SERINC5: variants seen among roughly 807,000 people sequenced by gnomAD.
SERINC5 encodes serine incorporator 5.
In SERINC5, 41 loss-of-function variants were observed where a neutral mutation model predicts 63.1. The ratio of observed to expected loss-of-function variants is 0.65; its 90% CI spans 0.51 to 0.84. SERINC5 has a LOEUF of 0.84. Among genes scored for constraint, SERINC5 ranks in the 40% least tolerant of loss-of-function variants. The probability of loss-of-function intolerance (pLI) is 0.00; values close to 1 mark genes in which losing one functional copy is unlikely to be tolerated. For synonymous variants in SERINC5, 222 were observed against 215.2 expected (o/e 1.03, Z -0.28); for missense variants, 523 against 573.0 (o/e 0.91, Z 0.89).
At chr5:80,187,165 CAAAAAAA>C (rs759541904) in intron 2 of SERINC5, among the ~76,000 whole-genome samples, 3 of 150,086 alleles carry the variant, frequency 2.0e-5, no homozygotes, top group Non-Finnish European at 4.4e-5. Flanking sequence ...AACTCCATCT[CAAAAAAA>C]AGAAAAAAGA....
chr5:80,232,433 C>A (rs1371899483), intron 1 of SERINC5, among the ~76,000 whole-genome samples: 3 of 149,660 alleles, frequency 2.0e-5, no homozygotes, highest in South Asian at 2.1e-4. Flanking sequence ...GTGGAAACAA[C>A]CCAAATGATC....
At chr5:80,238,414 C>T (rs961375442) in intron 1 of SERINC5, among the ~76,000 whole-genome samples, 3 of 152,150 alleles carry the variant, frequency 2.0e-5, no homozygotes, top group African/African-American at 7.2e-5. Flanking sequence ...ATAACTTAAA[C>T]AACTGCTTGA....
rs1745512186 is a variant in SERINC5 at position 80,141,608 on chromosome 5, A to G, written c.*2055T>C. 1.0e-6 allele frequency: 1 copy of G among 985,538 alleles called. No individual in the cohort carries two copies. The highest frequency in any genetic ancestry group is 1.1e-4 in the East Asian group (1 of 8,814). The allele number at this position is 985,538 out of a possible 1,614,324, so 61.0% of individuals were successfully genotyped here. Reference sequence around the variant, plus strand: ...CCTGCTTCCCCTCAGGGTGTTTCCTAAAGACAACCCCCAAGGCCCTAGGCC... The same window carrying G: ...CCTGCTTCCCCTCAGGGTGTTTCCTGAAGACAACCCCCAAGGCCCTAGGCC... On this transcript the variant is annotated 3_prime_UTR_variant, in exon 12 of 12. Transcript: ENST00000507668.
rs1352041642 is a variant in SERINC5, at chr5:80,230,813, CCTTTCTTTCTCT to C, written c.27+25071_27+25082del. 2.0e-5 allele frequency among the ~76,000 whole-genome samples: 3 copies of C among 151,370 alleles called. No individual in the cohort carries two copies. The South Asian group carries it at 6.2e-4, about 32-fold the overall frequency. ...TCTTTCTTTCTCTCTCTCTCTCTTT[CCTTTCTTTCTCT>C]CTTTCTTTCTGACAGTATTCTATCC... On this transcript the variant is annotated intron_variant, in intron 1 of 11. Coordinates refer to ENST00000507668, the MANE Select transcript of SERINC5 (RefSeq NM_001174072.3).
At chr5:80,117,773 G>T (rs1033999254) in intron 11 of SERINC5, among the ~76,000 whole-genome samples, 3 of 151,972 alleles carry the variant, frequency 2.0e-5, no homozygotes, top group Non-Finnish European at 2.9e-5. Context: ...GATCTAGGGG[G>T]TGATCTATTA....
intron 11 of SERINC5, among the ~76,000 whole-genome samples, chr5:80,144,503 C>T (rs553737065): frequency 6.6e-6 from 1 of 152,306 alleles, no homozygotes; most frequent in South Asian, 2.1e-4. Flanking sequence ...ACTTCCTCGA[C>T]ATTTGTTATT....
In SERINC5 at chr5:80,140,305, CAAAAAAAAAAAAAAAAAA is replaced by C. The variant is rs55718546; in HGVS notation, c.*3340_*3357del. 1 of 442,988 alleles carries C rather than the reference CAAAAAAAAAAAAAAAAAA, an allele frequency of 2.3e-6. No individual in the cohort carries two copies. Among genetic ancestry groups the C allele is most frequent in the Admixed American group, 2.7e-4 (1 of 3,664 alleles). The allele number at this position is 442,988 out of a possible 1,614,324, so 27.4% of individuals were successfully genotyped here. A position where few individuals can be genotyped will look rare whatever the true frequency, so the allele number is the denominator to read the frequency against. ...GTGGCTGACAGAGTGAGCCCGTCTC[CAAAAAAAAAAAAAAAAAA>C]AAAAAAAAAGGCTTAGGGTGACAAT... On this transcript the variant is annotated 3_prime_UTR_variant, in exon 12 of 12. Coordinates refer to ENST00000507668, the MANE Select transcript of SERINC5 (RefSeq NM_001174072.3).
At chr5:80,177,746 T>C (rs1748129927) in intron 3 of SERINC5, 140 bp downstream of exon 3, 1 of 695,774 alleles carries the variant, frequency 1.4e-6, no homozygotes, top group Admixed American at 3.1e-5. Flanking sequence ...TGGGTAAGTA[T>C]CAATTCCACC....
intron 1 of SERINC5, among the ~76,000 whole-genome samples, chr5:80,213,505 C>T (rs1750529201): frequency 6.6e-6 from 1 of 152,142 alleles, no homozygotes; most frequent in African/African-American, 2.4e-5. Flanking sequence ...CTGGCATAAG[C>T]GCATGAACAA....
intron 7 of SERINC5, among the ~76,000 whole-genome samples, chr5:80,160,494 A>G (rs889265758): frequency 2.0e-4 from 30 of 152,244 alleles, no homozygotes; most frequent in Non-Finnish European, 1.2e-4. Context: ...AAGTGAGACT[A>G]AAATTATGAC....
At chr5:80,239,144 G>A (rs1312558146) in intron 1 of SERINC5, among the ~76,000 whole-genome samples, 1 of 152,216 alleles carries the variant, frequency 6.6e-6, no homozygotes, top group Non-Finnish European at 1.5e-5. Context: ...GAATTAGACT[G>A]TGACTTCCCA....
intron 2 of SERINC5, among the ~76,000 whole-genome samples, chr5:80,179,955 C>T (rs544449224): frequency 2.0e-5 from 3 of 152,258 alleles, no homozygotes; most frequent in African/African-American, 4.8e-5. Context: ...ACCCAATATC[C>T]TGTTTTAAGG....
intron 11 of SERINC5, 80 bp from the exon 12 acceptor site, chr5:80,143,890 T>A (rs575043061): frequency 1.4e-6 from 2 of 1,467,642 alleles, no homozygotes; most frequent in South Asian, 2.6e-5. Flanking sequence ...CCATTTATAA[T>A]GTATAATTCA....
At chr5:80,152,092 C>G (rs758720210) in intron 8 of SERINC5, among the ~76,000 whole-genome samples, 1 of 152,222 alleles carries the variant, frequency 6.6e-6, no homozygotes, top group Admixed American at 6.5e-5. Context: ...TGAACTGATG[C>G]ATGCTAATCC....
chr5:80,202,766 GA>G (rs1749920856), intron 2 of SERINC5, 119 bp downstream of exon 2: 1 of 955,856 alleles, frequency 1.0e-6, no homozygotes. Context: ...AAGGTTCAAG[GA>G]AACCAGGTAT....
At chr5:80,149,366 G>A (rs115051958) in intron 9 of SERINC5, among the ~76,000 whole-genome samples, 1 of 108,618 alleles carries the variant, frequency 9.2e-6, no homozygotes, top group African/African-American at 3.6e-5. Flanking sequence ...GCAACAGAAA[G>A]AGTTGGTGAA....
At chr5:80,254,434 C>T (rs1752556652) in intron 1 of SERINC5, among the ~76,000 whole-genome samples, 1 of 152,168 alleles carries the variant, frequency 6.6e-6, no homozygotes, top group African/African-American at 2.4e-5. Context: ...TTTTACAAAA[C>T]CCATTTGAAT....
intron 7 of SERINC5, among the ~76,000 whole-genome samples, chr5:80,165,403 T>C (rs1288477519): frequency 2.6e-5 from 4 of 152,226 alleles, no homozygotes; most frequent in South Asian, 2.1e-4. Flanking sequence ...ATTTGACTTA[T>C]ATAAGCTCAA....
intron 2 of SERINC5, among the ~76,000 whole-genome samples, chr5:80,193,453 C>T (rs564659426): frequency 1.1e-4 from 17 of 152,270 alleles, no homozygotes; most frequent in African/African-American, 4.1e-4. Flanking sequence ...CAGAAAAAAA[C>T]GTGTTAGGAA....
Sources: gnomAD v4.1 joint callset for allele counts (sites outside exome capture counted in the v4.1 genomes callset) on GRCh38, gnomAD v4.1.1 for gene constraint, MANE v1.5 for transcripts, NCBI Gene and HGNC (gene_info 2026-07-23, HGNC 2026-07-21) for gene names.